The following FADS1 variants were observed in gnomAD, a reference collection of about 807,000 sequenced individuals.
The protein encoded by FADS1 is acyl-CoA (8-3)-desaturase.
Under a neutral mutation model 61.6 loss-of-function variants are expected in FADS1, and 17 were observed. That is an observed-to-expected ratio of 0.28 (90% CI 0.19 to 0.41). The LOEUF is 0.41. Among genes scored for constraint, FADS1 ranks in the 10% least tolerant of loss-of-function variants. The pLI is 1.00. For synonymous variants in FADS1, 238 were observed against 258.7 expected, an observed-to-expected ratio of 0.92 and a Z score of 0.77; for missense variants, 387 against 650.9, an observed-to-expected ratio of 0.59 and a Z score of 4.41.
rs1293249909 is a variant in FADS1 at position 61,816,691 on chromosome 11, T to A, written c.239A>T (p.Asp80Val). ...QGPTPRYFTW[D>V]EVAQRSGCEE... Reference sequence around the variant, plus strand: ...GCACCCTGAGCGCTGGGCCACCTCGTCCCAGGTGAAGTAGCGCGGGGTAGG... The same window carrying A: ...GCACCCTGAGCGCTGGGCCACCTCGACCCAGGTGAAGTAGCGCGGGGTAGG... The change falls in exon 1 of 12, where the codon GAC (aspartate) becomes GTC (valine). Residue 80 changes from aspartate to valine, a missense_variant. Coordinates refer to ENST00000350997, the MANE Select transcript of FADS1 (RefSeq NM_013402.7). The surrounding 1 kb of genome is among the most constrained non-coding windows in gnomAD (Gnocchi z 7.0). 1 of 1,584,850 alleles carries A rather than the reference T, an allele frequency of 6.3e-7. No individual in the cohort carries two copies. Among genetic ancestry groups the A allele is most frequent in the Non-Finnish European group, 8.6e-7 (1 of 1,166,182 alleles).
At chr11:61,805,700 A>G (rs1171302627) in intron 6 of FADS1, 1 of 152,202 alleles carries the variant, frequency 6.6e-6, no homozygotes, top group African/African-American at 2.4e-5. Flanking sequence ...TGAAAATTTA[A>G]AGGCGTTTAA....
intron 6 of FADS1, chr11:61,806,265 G>A (rs1302913622): frequency 3.7e-5 from 6 of 164,370 alleles, no homozygotes; most frequent in Non-Finnish European, 5.3e-5. Flanking sequence ...GCGTGAACCC[G>A]GGAAGCGGAG....
At position 61,812,648 on chromosome 11, in the gene FADS1, G is replaced by A. The variant is rs749353498; in HGVS notation, c.507C>T (p.Phe169=). 12 of 1,613,908 alleles carry A rather than the reference G, an allele frequency of 7.4e-6. No homozygotes were observed. The East Asian group carries it at 2.7e-4, about 36-fold the overall frequency. Residue 169 remains phenylalanine, a synonymous_variant, in exon 3 of 12, where the codon TTC becomes TTT. Coordinates refer to ENST00000350997, the MANE Select transcript of FADS1 (RefSeq NM_013402.7). Reference sequence around the variant, plus strand: ...GCTCCACTGTGGCCCGCAGCTCCCGGAACTCATCTGTCAGCTCTTTCTGCA... The same window carrying A: ...GCTCCACTGTGGCCCGCAGCTCCCGAAACTCATCTGTCAGCTCTTTCTGCA... The part of the protein sequence containing the change: ...PTKNKELTDE[F]RELRATVERM...
intron 6 of FADS1, chr11:61,806,153 A>T (rs2066892162): frequency 6.5e-6 from 1 of 154,770 alleles, no homozygotes; most frequent in African/African-American, 2.4e-5. Context: ...ATCCTGGCTA[A>T]CAAGGTGAAA....
intron 6 of FADS1, chr11:61,804,994 G>A: frequency 1.7e-6 from 1 of 577,776 alleles, no homozygotes; most frequent in Non-Finnish European, 3.1e-6. Flanking sequence ...GCCAGGGAAG[G>A]TGAGGGGTGC....
chr11:61,816,259 G>T lies in FADS1; in HGVS notation c.375+296C>A. ...GCTCGGGGTTCTGTCCCCGCCCAGA[G>T]ACCTGAGGCTCGGGGCTGCAGATGG... is the stretch of plus-strand genomic sequence containing the variant. On this transcript the variant is annotated intron_variant, in intron 1 of 11. Coordinates refer to ENST00000350997, the MANE Select transcript of FADS1 (RefSeq NM_013402.7). This position sits in a 1 kb window ranked among gnomAD's most constrained non-coding sequence, Gnocchi z 7.0. 6.3e-7 allele frequency: 1 copy of T among 1,598,076 alleles called. No homozygotes were observed. The highest frequency in any genetic ancestry group is 1.1e-5 in the South Asian group (1 of 91,056).
intron 5 of FADS1, among the ~76,000 whole-genome samples, chr11:61,807,602 T>G (rs892412507): frequency 1.3e-5 from 2 of 152,096 alleles, no homozygotes; most frequent in African/African-American, 4.8e-5. Context: ...TTTTCCCCAG[T>G]AGGTGGTGGT....
chr11:61,807,273 G>A (rs1261664346), intron 5 of FADS1, among the ~76,000 whole-genome samples: 2 of 152,124 alleles, frequency 1.3e-5, no homozygotes, highest in Non-Finnish European at 2.9e-5. Context: ...TCTCCATGTT[G>A]TTCAGGCTGG....
chr11:61,802,347 C>G lies in FADS1; in HGVS notation c.*64G>C. 7.1e-7 allele frequency: 1 copy of G among 1,407,468 alleles called. No individual in the cohort carries two copies. The allele number at this position is 1,407,468 out of a possible 1,614,324, so 87.2% of individuals were successfully genotyped here. A position where few individuals can be genotyped will look rare whatever the true frequency, so the allele number is the denominator to read the frequency against. On this transcript the variant is annotated 3_prime_UTR_variant, in exon 12 of 12. Transcript: ENST00000350997. The surrounding 1 kb of genome is among the most constrained non-coding windows in gnomAD (Gnocchi z 4.2). ...AACTATAGTGGCATTGTCCCTCAAG[C>G]TCCCCTCTGCCTTGGCTCCAGAGTC...
chr11:61,811,073 G>A lies in FADS1; in HGVS notation c.687C>T (p.Ala229=), dbSNP rs1459337456. ...LCAVLLSAVQ[A]QAGWLQHDFG... ...AGTCATGCTGCAGCCAGCCAGCCTG[G>A]GCCTAGGTGAGAAGAGTCAACACTG... The change falls in exon 4 of 12, where the codon GCC becomes GCT. Residue 229 remains alanine, a splice_region_variant and synonymous_variant. Coordinates refer to ENST00000350997, the MANE Select transcript of FADS1 (RefSeq NM_013402.7). 6.2e-7 allele frequency: 1 copy of A among 1,612,308 alleles called. No homozygotes were observed. The highest frequency in any genetic ancestry group is 1.7e-5 in the Admixed American group (1 of 60,024).
At chr11:61,809,164 C>T (rs2066915596) in intron 5 of FADS1, among the ~76,000 whole-genome samples, 1 of 152,144 alleles carries the variant, frequency 6.6e-6, no homozygotes, top group African/African-American at 2.4e-5. Flanking sequence ...CCAAATGTTC[C>T]TTCCCTGAAT....
chr11:61,806,570 T>A (rs368878181), intron 6 of FADS1, 94 bp downstream of exon 6: 1 of 1,192,276 alleles, frequency 8.4e-7, no homozygotes. Flanking sequence ...CCCCTTTCCT[T>A]AAAATACCAT....
rs174547 is a variant in FADS1, at chr11:61,803,311, T to C, written c.1248+52A>G. On this transcript the variant is annotated intron_variant, in intron 9 of 11. Coordinates refer to ENST00000350997, the MANE Select transcript of FADS1 (RefSeq NM_013402.7). This position sits in a 1 kb window ranked among gnomAD's most constrained non-coding sequence, Gnocchi z 4.3. ...TGTTTTTGCTGTTTTCACCTACGCA[T>C]CCTTTTCAATAGTTGTGTTATGCTC... The C allele has an allele frequency of 0.33, 490,412 of 1,472,252 alleles. 90,604 individuals are homozygous for C. Among genetic ancestry groups the C allele is most frequent in the Admixed American group, 0.61 (36,391 of 59,774 alleles). 91.2% of individuals were successfully genotyped at this position (1,472,252 alleles called of 1,614,324 possible). A position where few individuals can be genotyped will look rare whatever the true frequency, so the allele number is the denominator to read the frequency against.
intron 5 of FADS1, among the ~76,000 whole-genome samples, chr11:61,807,774 A>G (rs1317300985): frequency 6.6e-6 from 1 of 152,214 alleles, no homozygotes; most frequent in Non-Finnish European, 1.5e-5. Flanking sequence ...AGGTAACCAG[A>G]CAACCACAAG....
In FADS1 at chr11:61,816,589, C is replaced by T; in HGVS notation, c.341G>A (p.Arg114Gln). ...EFTRRHPGGS[R>Q]VISHYAGQDA... ...CTGCCCGGCGTAGTGGCTGATGACC[C>T]GGGAGCCCCCTGGATGCCGGCGGGT... is the stretch of plus-strand genomic sequence containing the variant. Residue 114 changes from arginine to glutamine, a missense_variant, in exon 1 of 12, where the codon CGG becomes CAG. Physicochemically the swap from Arg to Gln is conservative, Grantham distance 43 (BLOSUM62 1). Transcript: ENST00000350997. This position sits in a 1 kb window ranked among gnomAD's most constrained non-coding sequence, Gnocchi z 7.0. 6.2e-7 allele frequency: 1 copy of T among 1,609,654 alleles called. No homozygotes were observed. The highest frequency in any genetic ancestry group is 8.5e-7 in the Non-Finnish European group (1 of 1,178,742).
chr11:61,807,346 G>A (rs2066900963), intron 5 of FADS1, among the ~76,000 whole-genome samples: 1 of 152,220 alleles, frequency 6.6e-6, no homozygotes, highest in South Asian at 2.1e-4. Flanking sequence ...GGGATTACAG[G>A]TGTGAGGCAG....
At position 61,816,445 on chromosome 11, in the gene FADS1, G is replaced by A. The variant is rs1396170179; in HGVS notation, c.375+110C>T. 3 of 1,599,444 alleles carry A rather than the reference G, an allele frequency of 1.9e-6. No homozygotes were observed. Among genetic ancestry groups the A allele is most frequent in the South Asian group, 1.1e-5 (1 of 91,086 alleles). On this transcript the variant is annotated intron_variant, in intron 1 of 11. Coordinates refer to ENST00000350997, the MANE Select transcript of FADS1 (RefSeq NM_013402.7). This position sits in a 1 kb window ranked among gnomAD's most constrained non-coding sequence, Gnocchi z 7.0. Reference sequence around the variant, plus strand: ...GCAACAGGTATGATCAGGCGCCTCCGGGCTTTCCTCCGAATTAGTCGGTGT... The same window carrying A: ...GCAACAGGTATGATCAGGCGCCTCCAGGCTTTCCTCCGAATTAGTCGGTGT...
chr11:61,803,880 T>C lies in FADS1; in HGVS notation c.1054-113A>G. On this transcript the variant is annotated intron_variant, in intron 7 of 11. Transcript: ENST00000350997. This position sits in a 1 kb window ranked among gnomAD's most constrained non-coding sequence, Gnocchi z 4.3. ...TCTCCTGGTTATCCAGACTCACTCA[T>C]CTTCAGCTTCTCAGGGGTCCAATCC... 2.6e-6 allele frequency: 2 copies of C among 766,726 alleles called. No individual in the cohort carries two copies. The highest frequency in any genetic ancestry group is 4.5e-6 in the Non-Finnish European group (2 of 447,950). The allele number at this position is 766,726 out of a possible 1,614,324, so 47.5% of individuals were successfully genotyped here. A position where few individuals can be genotyped will look rare whatever the true frequency, so the allele number is the denominator to read the frequency against.
intron 1 of FADS1, chr11:61,814,006 C>A (rs1369857122): frequency 6.5e-6 from 1 of 153,330 alleles, no homozygotes; most frequent in Non-Finnish European, 1.4e-5. Flanking sequence ...CCCCTCACAC[C>A]CCCCAACGTC....
Sources: allele counts gnomAD v4.1 joint callset (sites outside exome capture counted in the v4.1 genomes callset), GRCh38; gene constraint gnomAD v4.1.1; non-coding constraint Gnocchi (gnomAD v3.1); transcripts MANE v1.5; gene names NCBI Gene and HGNC (gene_info 2026-07-23, HGNC 2026-07-21).